ARMC9: variants seen among roughly 807,000 people sequenced by gnomAD.
ARMC9 encodes the protein lisH domain-containing protein ARMC9.
Under a neutral mutation model 107.0 loss-of-function variants are expected in ARMC9, and 94 were observed. The ratio of observed to expected loss-of-function variants is 0.88; its 90% CI spans 0.74 to 1.04. The LOEUF is 1.04. Among genes scored for constraint, ARMC9 ranks in the 50% least tolerant of loss-of-function variants. ARMC9 has a pLI of 0.00. For missense variants in ARMC9, 942 were observed against 1,030.1 expected (o/e 0.91, Z 1.17); for synonymous variants, 380 against 396.9 (o/e 0.96, Z 0.51).
At chr2:231,249,160 G>A (rs1461024741) in intron 9 of ARMC9, among the ~76,000 whole-genome samples, 1 of 152,104 alleles carries the variant, frequency 6.6e-6, no homozygotes, top group Admixed American at 6.5e-5. Flanking sequence ...GCGCACCCCT[G>A]CCCCATCCTG....
chr2:231,345,021 T>C lies in ARMC9; in HGVS notation c.1925T>C (p.Val642Ala). 3 of 1,614,068 alleles carry C rather than the reference T, an allele frequency of 1.9e-6. No individual in the cohort carries two copies. The highest frequency in any genetic ancestry group is 1.7e-6 in the Non-Finnish European group (2 of 1,180,022). The change falls in exon 21 of 25, where the codon GTG (valine) becomes GCG (alanine). Residue 642 changes from valine (V) to alanine (A), a missense_variant. Val to Ala is a moderately conservative substitution (Grantham distance 64). Transcript: ENST00000611582. ...GKTRRKGLAN[V>A]QWSGDEPLQR... is the part of the protein sequence containing the mutation. ...ACAAGGCGGAAGGGGCTGGCTAATG[T>C]GCAGTGGAGCGGGGATGAGCCCCTG...
intron 5 of ARMC9, 21 bp downstream of exon 5, chr2:231,216,814 CTT>C (rs1486303825): frequency 1.2e-6 from 2 of 1,604,828 alleles, no homozygotes; most frequent in African/African-American, 2.7e-5. Flanking sequence ...GCTTTTAACT[CTT>C]GTGTCAGATC....
Position 231,356,468 on chromosome 2 carries a change from AT to A in ARMC9, c.2131+542del, listed in dbSNP as rs201582597. On this transcript the variant is annotated intron_variant, in intron 22 of 24. Transcript: ENST00000611582. Reference sequence around the variant, plus strand: ...ACTTTGAATCAGAAATGTACAAAGTATTTTTTTTAATTTTTGAAAGGAAATT... The same window carrying A: ...ACTTTGAATCAGAAATGTACAAAGTATTTTTTTAATTTTTGAAAGGAAATT... Among the ~76,000 whole-genome samples the A allele has an allele frequency of 5.9e-5, 9 of 152,218 alleles. No homozygotes were observed. The East Asian group carries it at 1.5e-3, about 26-fold the overall frequency.
At chr2:231,280,474 A>T (rs577136997) in intron 16 of ARMC9, among the ~76,000 whole-genome samples, 19 of 152,254 alleles carry the variant, frequency 1.2e-4, no homozygotes, top group African/African-American at 4.3e-4. Flanking sequence ...ATAAATAAAT[A>T]AAGTAAGAAA....
In ARMC9 at chr2:231,271,021, G is replaced by C; in HGVS notation, c.1159G>C (p.Val387Leu). ...LQLLHSTSDV[V>L]RQYMARLINA... Reference sequence around the variant, plus strand: ...GTTGCTGCACTCCACGAGCGACGTGGTGCGGCAGTACATGGCCAGGCTCAT... The same window carrying C: ...GTTGCTGCACTCCACGAGCGACGTGCTGCGGCAGTACATGGCCAGGCTCAT... Residue 387 changes from valine (V) to leucine (L), a missense_variant, in exon 13 of 25, where the codon GTG (valine) becomes CTG (leucine). Physicochemically the swap from Val to Leu is conservative, Grantham distance 32. Coordinates refer to ENST00000611582, the MANE Select transcript of ARMC9 (RefSeq NM_001352754.2). The C allele has an allele frequency of 6.2e-7, 1 of 1,614,150 alleles. No homozygotes were observed.
At chr2:231,328,472 T>G (rs540410581) in intron 19 of ARMC9, among the ~76,000 whole-genome samples, 96 of 152,322 alleles carry the variant, frequency 6.3e-4, no homozygotes, top group Admixed American at 6.3e-3. Context: ...GTTTTACGTT[T>G]AAGTCCATGA....
At chr2:231,264,896 G>A (rs931434624) in intron 12 of ARMC9, among the ~76,000 whole-genome samples, 4 of 152,052 alleles carry the variant, frequency 2.6e-5, no homozygotes, top group Non-Finnish European at 5.9e-5. Context: ...CAGGAGGTTA[G>A]GAGATCAAGA....
chr2:231,366,211 A>C (rs1248216886), intron 23 of ARMC9, among the ~76,000 whole-genome samples: 1 of 152,098 alleles, frequency 6.6e-6, no homozygotes, highest in Non-Finnish European at 1.5e-5. Flanking sequence ...TGCTCAGGGA[A>C]TATCAGTCTT....
intron 23 of ARMC9, among the ~76,000 whole-genome samples, chr2:231,364,190 C>T (rs1487010320): frequency 1.3e-5 from 2 of 152,230 alleles, no homozygotes; most frequent in Non-Finnish European, 2.9e-5. Flanking sequence ...GTCAGTCCTT[C>T]TCAGCATGGC....
At chr2:231,200,250 G>T (rs73994508) in intron 1 of ARMC9, among the ~76,000 whole-genome samples, 16,983 of 152,164 alleles carry the variant, frequency 0.11, 1,813 homozygotes, top group East Asian at 0.29. Flanking sequence ...TCCCGTTCCA[G>T]GGCCTTTAAA....
intron 20 of ARMC9, among the ~76,000 whole-genome samples, chr2:231,339,051 T>C (rs1328374939): frequency 6.6e-6 from 1 of 152,174 alleles, no homozygotes; most frequent in Non-Finnish European, 1.5e-5. Flanking sequence ...ATGTATAGGC[T>C]GGGTGTGGTG....
At chr2:231,250,626 C>T (rs190649549) in intron 9 of ARMC9, among the ~76,000 whole-genome samples, 3 of 152,066 alleles carry the variant, frequency 2.0e-5, no homozygotes, top group African/African-American at 4.8e-5. Flanking sequence ...CAGGGAAGAT[C>T]GGAGCTATCT....
At chr2:231,363,934 C>G (rs571115756) in intron 23 of ARMC9, among the ~76,000 whole-genome samples, 8 of 149,468 alleles carry the variant, frequency 5.4e-5, no homozygotes, top group African/African-American at 2.0e-4. Flanking sequence ...AATCATGGTG[C>G]CTTCCCCCAA....
In ARMC9 at chr2:231,337,908, A is replaced by G. The variant is rs546216444; in HGVS notation, c.1878+6011A>G. On this transcript the variant is annotated intron_variant, in intron 20 of 24. Transcript: ENST00000611582. The stretch of plus-strand genomic sequence containing the variant: ...GAACGTAAAGACCAACCCTAAGTCT[A>G]CCCAACCAGAGGTAATCACTATCTC... 4.6e-5 allele frequency among the ~76,000 whole-genome samples: 7 copies of G among 152,366 alleles called. No homozygotes were observed. The South Asian group carries it at 6.2e-4, about 14-fold the overall frequency.
chr2:231,272,872 A>G (rs2039456247), intron 13 of ARMC9, 83 bp from the exon 14 acceptor site: 4 of 1,510,444 alleles, frequency 2.6e-6, no homozygotes, highest in Non-Finnish European at 3.6e-6. Context: ...TATGCAAAGT[A>G]AGTTTTCGTG....
At chr2:231,249,643 C>T (rs2037104719) in intron 9 of ARMC9, among the ~76,000 whole-genome samples, 1 of 152,052 alleles carries the variant, frequency 6.6e-6, no homozygotes, top group Non-Finnish European at 1.5e-5. Context: ...TTTTCCTACC[C>T]AAAGGTTCCA....
Position 231,216,772 on chromosome 2 carries a change from C to A in ARMC9, c.483C>A (p.Pro161=). The change falls in exon 5 of 25, where the codon CCC becomes CCA. Residue 161 remains proline, a synonymous_variant. Coordinates refer to ENST00000611582, the MANE Select transcript of ARMC9 (RefSeq NM_001352754.2). ...TTGTTCCCAACCCTATGGTGCACCC[C>A]TCATTTAAAGAACTCTTCCAGGTAA... The part of the protein sequence containing the change: ...LPFVPNPMVH[P]SFKELFQDSW... The A allele has an allele frequency of 6.2e-7, 1 of 1,613,188 alleles. No individual in the cohort carries two copies. Among genetic ancestry groups the A allele is most frequent in the Non-Finnish European group, 8.5e-7 (1 of 1,179,772 alleles).
intron 3 of ARMC9, among the ~76,000 whole-genome samples, chr2:231,211,614 TAC>T (rs2125315661): frequency 6.6e-6 from 1 of 152,276 alleles, no homozygotes; most frequent in Admixed American, 6.5e-5. Context: ...TTTGGATGTA[TAC>T]CCAGAAGTAT....
At chr2:231,271,111 CATATTGATGTGCTTTTTCCTTTG>C (rs2039295252) in intron 13 of ARMC9, 39 bp downstream of exon 13, 4 of 1,590,316 alleles carry the variant, frequency 2.5e-6, no homozygotes, top group Non-Finnish European at 2.6e-6. Context: ...AGAGCTAGGT[CATATTGATGTGCTTTTTCCTTTG>C]AAAATGAGCG....
Sources: allele counts gnomAD v4.1 joint callset (sites outside exome capture counted in the v4.1 genomes callset), GRCh38; gene constraint gnomAD v4.1.1; transcripts MANE v1.5; gene names NCBI Gene and HGNC (gene_info 2026-07-23, HGNC 2026-07-21).